AK8: variants seen among roughly 807,000 people sequenced by gnomAD.
AK8 encodes ATP-AMP transphosphorylase 8.
A neutral mutation model predicts 54.6 loss-of-function variants in AK8; 44 were observed. The ratio of observed to expected loss-of-function variants is 0.81; its 90% CI spans 0.63 to 1.04. AK8 has a LOEUF of 1.04. Among genes scored for constraint, AK8 ranks in the 50% least tolerant of loss-of-function variants. AK8 has a pLI of 0.00. For synonymous variants in AK8, 239 were observed against 245.6 expected (o/e 0.97, Z 0.25); for missense variants, 555 against 613.6 (o/e 0.90, Z 1.01).
intron 5 of AK8, among the ~76,000 whole-genome samples, chr9:132,854,162 T>C (rs1420245300): frequency 6.6e-6 from 1 of 152,218 alleles, no homozygotes; most frequent in African/African-American, 2.4e-5. Flanking sequence ...ATCATGCCAC[T>C]GGGGTCCAGC....
chr9:132,835,991 C>T (rs1176133375), intron 5 of AK8, among the ~76,000 whole-genome samples: 11 of 152,124 alleles, frequency 7.2e-5, no homozygotes, highest in Admixed American at 1.3e-4. Flanking sequence ...GACATGGTGG[C>T]GCATGCCTGT....
chr9:132,848,777 C>T (rs1282979656), intron 5 of AK8, among the ~76,000 whole-genome samples: 1 of 152,094 alleles, frequency 6.6e-6, no homozygotes, highest in East Asian at 1.9e-4. Flanking sequence ...CCATGCAGGG[C>T]CTGCAGGGGG....
chr9:132,788,030 CA>C (rs757785650), intron 11 of AK8, among the ~76,000 whole-genome samples: 5 of 141,828 alleles, frequency 3.5e-5, no homozygotes, highest in South Asian at 2.3e-4. Flanking sequence ...TGGGAGTGAC[CA>C]AAAAAAAAAC....
chr9:132,734,664 A>C (rs1178314923), intron 11 of AK8, among the ~76,000 whole-genome samples: 1 of 152,056 alleles, frequency 6.6e-6, no homozygotes, highest in East Asian at 1.9e-4. Context: ...TGAGCCCAGG[A>C]GTTTGAGGCT....
intron 3 of AK8, among the ~76,000 whole-genome samples, chr9:132,865,628 C>G (rs1391970937): frequency 4.6e-5 from 7 of 151,912 alleles, no homozygotes; most frequent in Admixed American, 4.6e-4. Context: ...TCCTGGCCAA[C>G]ATGGTGAAAC....
At chr9:132,850,933 T>C (rs1291763574) in intron 5 of AK8, among the ~76,000 whole-genome samples, 1 of 150,020 alleles carries the variant, frequency 6.7e-6, no homozygotes, top group African/African-American at 2.4e-5. Flanking sequence ...GTTCTGATTC[T>C]GGGAGACAGG....
intron 11 of AK8, among the ~76,000 whole-genome samples, chr9:132,748,053 G>A (rs1205062015): frequency 1.3e-5 from 2 of 151,496 alleles, no homozygotes; most frequent in African/African-American, 2.4e-5. Context: ...GAGCTGAGAC[G>A]GTGCCATTGC....
rs1841943661 is a variant in AK8, at chr9:132,827,994, G to C, written c.556+19C>G. ...CTCTGAAACCCCATGGGGCTGGGTGGGGGTGGCCGTAGCCATACCTCCAGT... is the reference window on the plus strand; with the variant it reads ...CTCTGAAACCCCATGGGGCTGGGTGCGGGTGGCCGTAGCCATACCTCCAGT... On this transcript the variant is annotated intron_variant, in intron 7 of 12. Coordinates refer to ENST00000298545, the MANE Select transcript of AK8 (RefSeq NM_152572.3). 5.1e-6 allele frequency: 8 copies of C among 1,555,556 alleles called. No homozygotes were observed. Among genetic ancestry groups the C allele is most frequent in the Non-Finnish European group, 7.0e-6 (8 of 1,148,790 alleles).
At chr9:132,815,176 G>A (rs1841271195) in intron 9 of AK8, among the ~76,000 whole-genome samples, 1 of 152,218 alleles carries the variant, frequency 6.6e-6, no homozygotes, top group Non-Finnish European at 1.5e-5. Flanking sequence ...CAGAGGGGGT[G>A]CAGTGTGTTG....
At chr9:132,744,963 G>A (rs982778639) in intron 11 of AK8, among the ~76,000 whole-genome samples, 7 of 152,158 alleles carry the variant, frequency 4.6e-5, no homozygotes, top group African/African-American at 1.4e-4. Flanking sequence ...GTCACTTCCC[G>A]CAGTCTGCGG....
chr9:132,835,543 G>A lies in AK8; in HGVS notation c.403-6817C>T, dbSNP rs78095232. Among the ~76,000 whole-genome samples the A allele has an allele frequency of 6.2e-3, 942 of 152,250 alleles. 3 individuals are homozygous for A. Among genetic ancestry groups the A allele is most frequent in the African/African-American group, 0.018 (750 of 41,520 alleles). On this transcript the variant is annotated intron_variant, in intron 5 of 12. Transcript: ENST00000298545. ...GAAAGTATCAGTTTCTTGTAACGGC[G>A]GAAAGCAGTGGCTTTGGAACCAGAT...
At chr9:132,824,903 C>A (rs1389543108) in intron 8 of AK8, among the ~76,000 whole-genome samples, 1 of 152,146 alleles carries the variant, frequency 6.6e-6, no homozygotes, top group Non-Finnish European at 1.5e-5. Context: ...TTCTTTGGCC[C>A]AACAATCCCA....
chr9:132,844,418 T>G (rs992913474), intron 5 of AK8, among the ~76,000 whole-genome samples: 1 of 152,186 alleles, frequency 6.6e-6, no homozygotes, highest in Non-Finnish European at 1.5e-5. Context: ...ATTCTTTCTG[T>G]GCTCTAAATT....
At chr9:132,782,696 A>G (rs953494976) in intron 11 of AK8, among the ~76,000 whole-genome samples, 16 of 152,164 alleles carry the variant, frequency 1.1e-4, no homozygotes, top group African/African-American at 3.9e-4. Flanking sequence ...TCTCAAAAAA[A>G]AAAACAAAAA....
At chr9:132,780,482 C>A (rs1839417575) in intron 11 of AK8, among the ~76,000 whole-genome samples, 1 of 152,194 alleles carries the variant, frequency 6.6e-6, no homozygotes, top group African/African-American at 2.4e-5. Flanking sequence ...AACTACAAAC[C>A]CAGCACCAAC....
At position 132,860,187 on chromosome 9, in the gene AK8, C is replaced by G. The variant is rs553687495; in HGVS notation, c.333+3478G>C. The stretch of plus-strand genomic sequence containing the variant: ...GCCTGGACCCAGAAGCATCACATGT[C>G]CCTGATGGTCCAGTGAGGGAGGGGC... On this transcript the variant is annotated intron_variant, in intron 4 of 12. Transcript: ENST00000298545. This position sits in a 1 kb window ranked among gnomAD's most constrained non-coding sequence, Gnocchi z 4.4. Among the ~76,000 whole-genome samples the G allele has an allele frequency of 6.6e-6, 1 of 152,118 alleles. No homozygotes were observed. Among genetic ancestry groups the G allele is most frequent in the Non-Finnish European group, 1.5e-5 (1 of 68,010 alleles).
intron 5 of AK8, among the ~76,000 whole-genome samples, chr9:132,841,350 T>G (rs1427441869): frequency 2.0e-5 from 3 of 152,234 alleles, no homozygotes; most frequent in Non-Finnish European, 4.4e-5. Context: ...TGCCTTTTGA[T>G]GAATAATAAA....
At chr9:132,792,815 CA>C (rs1268405231) in intron 10 of AK8, 40 bp from the exon 11 acceptor site, 5 of 1,538,998 alleles carry the variant, frequency 3.2e-6, no homozygotes, top group African/African-American at 1.4e-5. Flanking sequence ...TGCTGGCCGG[CA>C]GCCCATGGGT....
intron 11 of AK8, among the ~76,000 whole-genome samples, chr9:132,740,643 C>A (rs568219689): frequency 6.6e-6 from 1 of 152,100 alleles, no homozygotes; most frequent in Non-Finnish European, 1.5e-5. Flanking sequence ...GTCGGCTCCC[C>A]GTTTGGATTT....
Sources: gnomAD v4.1 joint callset for allele counts (sites outside exome capture counted in the v4.1 genomes callset) on GRCh38, gnomAD v4.1.1 for gene constraint, Gnocchi (gnomAD v3.1) non-coding constraint, MANE v1.5 for transcripts, NCBI Gene and HGNC (gene_info 2026-07-23, HGNC 2026-07-21) for gene names.